Variants in TUSC3 observed in about 807,000 individuals in gnomAD.
The protein encoded by TUSC3 is dolichyl-diphosphooligosaccharide--protein glycosyltransferase subunit TUSC3.
TUSC3 carries 45 observed loss-of-function variants against 44.8 expected under a neutral mutation model. The ratio of observed to expected loss-of-function variants is 1.00; its 90% confidence interval spans 0.79 to 1.29. TUSC3 has a LOEUF of 1.29. Among genes scored for constraint, TUSC3 ranks in the 50% most tolerant of loss-of-function variants. TUSC3 has a pLI of 0.00. For synonymous variants in TUSC3, 212 were observed against 152.9 expected (o/e 1.39, Z -2.85); for missense variants, 519 against 437.9 (o/e 1.19, Z -1.65).
At chr8:15,833,921 T>C in the TUSC3 span, among the ~76,000 whole-genome samples, 2 of 152,252 alleles carry the variant, frequency 1.3e-5, no homozygotes, top group East Asian at 1.9e-4. Flanking sequence ...ATAGAGAACG[T>C]TTACTGATCA....
At chr8:15,628,713 A>G (rs539720266) in intron 2 of TUSC3, among the ~76,000 whole-genome samples, 2 of 152,218 alleles carry the variant, frequency 1.3e-5, no homozygotes, top group Non-Finnish European at 2.9e-5. Flanking sequence ...ATAACCATGT[A>G]GCATTGAGAT....
the TUSC3 span, chr8:15,806,160 T>C: frequency 2.1e-6 from 1 of 477,700 alleles, no homozygotes. Flanking sequence ...GCACATAGCA[T>C]CAGTTGATGT....
intron 1 of TUSC3, among the ~76,000 whole-genome samples, chr8:15,565,160 G>A (rs1018578380): frequency 6.7e-6 from 1 of 148,230 alleles, no homozygotes; most frequent in African/African-American, 2.5e-5. Context: ...AAGCGTTGAG[G>A]GGAGCCTTTT....
chr8:15,717,996 TTG>T (rs1354672638), intron 6 of TUSC3, among the ~76,000 whole-genome samples: 1 of 152,126 alleles, frequency 6.6e-6, no homozygotes, highest in African/African-American at 2.4e-5. Context: ...ATGTTTTGTA[TTG>T]TGTTTTGCAT....
chr8:15,464,569 T>A (rs1396558203), intron 1 of TUSC3, among the ~76,000 whole-genome samples: 2 of 152,220 alleles, frequency 1.3e-5, no homozygotes, highest in South Asian at 4.1e-4. Flanking sequence ...TATTTAGATA[T>A]GTTGTATCAT....
At chr8:15,784,612 C>A in the TUSC3 span, among the ~76,000 whole-genome samples, 3 of 151,764 alleles carry the variant, frequency 2.0e-5, no homozygotes, top group Non-Finnish European at 4.4e-5. Context: ...TCATTTGCAA[C>A]AACAGAGATG....
At chr8:15,449,991 C>A (rs1585050320) in intron 1 of TUSC3, among the ~76,000 whole-genome samples, 1 of 152,126 alleles carries the variant, frequency 6.6e-6, no homozygotes, top group East Asian at 1.9e-4. Context: ...CCTAGGTGTG[C>A]AGGAGGCTAT....
chr8:15,797,536 G>A, the TUSC3 span, among the ~76,000 whole-genome samples: 11 of 152,250 alleles, frequency 7.2e-5, no homozygotes, highest in African/African-American at 2.4e-4. Context: ...CACAGTCAGG[G>A]CCACTGAGGA....
intron 5 of TUSC3, among the ~76,000 whole-genome samples, chr8:15,669,037 A>G (rs1423700392): frequency 6.6e-6 from 1 of 151,756 alleles, no homozygotes; most frequent in Non-Finnish European, 1.5e-5. Context: ...CTGGACTCTT[A>G]TTGGAAAACC....
chr8:15,835,878 G>A, the TUSC3 span, among the ~76,000 whole-genome samples: 2 of 151,804 alleles, frequency 1.3e-5, no homozygotes, highest in Admixed American at 1.3e-4. Flanking sequence ...TTCTGATATT[G>A]ATGTATTTTT....
intron 6 of TUSC3, among the ~76,000 whole-genome samples, chr8:15,695,554 A>G (rs1457931255): frequency 1.3e-5 from 2 of 152,198 alleles, no homozygotes; most frequent in Non-Finnish European, 2.9e-5. Context: ...GATGCTGAAA[A>G]GCTACCCAAA....
At chr8:15,452,447 G>A (rs1296827095) in intron 1 of TUSC3, among the ~76,000 whole-genome samples, 1 of 152,044 alleles carries the variant, frequency 6.6e-6, no homozygotes, top group African/African-American at 2.4e-5. Flanking sequence ...TTTTCTTCCA[G>A]AATAACAATT....
At chr8:15,428,017 G>A (rs967730505) in intron 1 of TUSC3, among the ~76,000 whole-genome samples, 24 of 150,914 alleles carry the variant, frequency 1.6e-4, no homozygotes, top group East Asian at 1.2e-3. Flanking sequence ...TGTGCACAAC[G>A]TGCTGGTTTG....
chr8:15,677,121 G>A (rs1270114479), intron 6 of TUSC3, among the ~76,000 whole-genome samples: 1 of 152,032 alleles, frequency 6.6e-6, no homozygotes, highest in Non-Finnish European at 1.5e-5. Context: ...TGGCTCAAGT[G>A]ATCCTCCTGC....
intron 4 of TUSC3, among the ~76,000 whole-genome samples, chr8:15,661,042 T>G (rs893063881): frequency 6.6e-6 from 1 of 151,944 alleles, no homozygotes; most frequent in African/African-American, 2.4e-5. Flanking sequence ...TTCCATCTGC[T>G]TTGTGATTAT....
intron 1 of TUSC3, among the ~76,000 whole-genome samples, chr8:15,586,460 A>C (rs2129148784): frequency 6.6e-6 from 1 of 152,146 alleles, no homozygotes; most frequent in African/African-American, 2.4e-5. Context: ...AAGATAGGAG[A>C]GTGGGATAGA....
chr8:15,704,121 A>G (rs1170970118), intron 6 of TUSC3, among the ~76,000 whole-genome samples: 2 of 152,042 alleles, frequency 1.3e-5, no homozygotes, highest in East Asian at 1.9e-4. Flanking sequence ...GCTTTTTTAT[A>G]CAGGGTTCTG....
intron 1 of TUSC3, among the ~76,000 whole-genome samples, chr8:15,473,859 T>C (rs1302371033): frequency 6.6e-6 from 1 of 152,146 alleles, no homozygotes; most frequent in African/African-American, 2.4e-5. Flanking sequence ...GATAAACATC[T>C]TAAACAACAG....
In TUSC3 at chr8:15,491,437, A is replaced by AT. The variant is rs1024283330; in HGVS notation, n.189+7965dup. Among the ~76,000 whole-genome samples the AT allele has an allele frequency of 8.0e-3, 1,192 of 148,338 alleles. 13 individuals are homozygous for AT. The highest frequency in any genetic ancestry group is 0.026 in the African/African-American group (1,077 of 40,642). On this transcript the variant is annotated intron_variant and non_coding_transcript_variant, in intron 2 of 5. Transcript: ENST00000503191. ...TTGGCTTAGTGAGTTCAGGATCCCA[A>AT]TTTTTTTTTTTCCTTTCAGTGTTAC...
Sources: gnomAD v4.1 joint callset for allele counts (sites outside exome capture counted in the v4.1 genomes callset) on GRCh38, gnomAD v4.1.1 for gene constraint, MANE v1.5 for transcripts, NCBI Gene and HGNC (gene_info 2026-07-23, HGNC 2026-07-21) for gene names.